Variants in STAG2 observed in about 807,000 individuals in gnomAD.
STAG2 encodes cohesin subunit SA-2.
STAG2 carries 14 observed loss-of-function variants against 108.1 expected under a neutral mutation model. That is an observed-to-expected ratio of 0.13 (90% confidence interval 0.09 to 0.20). STAG2 has a LOEUF of 0.20. Ranked by LOEUF, STAG2 falls within the 10% of genes least tolerant of loss-of-function variation. The probability of loss-of-function intolerance (pLI) is 1.00; values close to 1 mark genes in which losing one functional copy is unlikely to be tolerated. For missense variants in STAG2, 440 were observed against 940.9 expected (o/e 0.47, Z 6.96); for synonymous variants, 307 against 302.7 (o/e 1.01, Z -0.15).
intron 27 of STAG2, among the ~76,000 whole-genome samples, chrX:124,080,865 G>T (rs1167888799): frequency 1.8e-5 from 2 of 111,628 alleles, no homozygotes; most frequent in Non-Finnish European, 3.8e-5. Context: ...TTACGCTGAG[G>T]TTTTTTTACA....
In STAG2 at chrX:124,051,111, T is replaced by G. The variant is rs1569512956; in HGVS notation, c.1018-10T>G. 1.1e-6 allele frequency: 1 copy of G among 892,916 alleles called. No homozygotes were observed. Among genetic ancestry groups the G allele is most frequent in the African/African-American group, 2.1e-5 (1 of 48,566 alleles). 73.6% of individuals were successfully genotyped at this position (892,916 alleles called of 1,213,427 possible). On this transcript the variant is annotated splice_polypyrimidine_tract_variant and intron_variant, in intron 11 of 34. Coordinates refer to ENST00000371145, the MANE Select transcript of STAG2 (RefSeq NM_001042750.2). ...TGCATTGTCTCATCTTTTTTTTTTT[T>G]TTTTTTTAGCAAGGTGAAGTAAGAC... is the stretch of plus-strand genomic sequence containing the variant.
intron 1 of STAG2, among the ~76,000 whole-genome samples, chrX:123,995,704 A>G (rs915901609): frequency 9.0e-6 from 1 of 111,630 alleles, no homozygotes; most frequent in Admixed American, 9.6e-5. Flanking sequence ...AGAAAAAAAA[A>G]AGAAATCATT....
At chrX:123,974,577 CTTT>C (rs778065126) in intron 1 of STAG2, among the ~76,000 whole-genome samples, 1 of 85,226 alleles carries the variant, frequency 1.2e-5, no homozygotes. Context: ...TTGATACCTT[CTTT>C]TTTTTTTTTT....
At chrX:124,079,148 T>C (rs2058882122) in intron 27 of STAG2, among the ~76,000 whole-genome samples, 1 of 107,256 alleles carries the variant, frequency 9.3e-6, no homozygotes, top group African/African-American at 3.4e-5. Flanking sequence ...TTTTTTTTCC[T>C]TTTCTTTTGA....
intron 2 of STAG2, among the ~76,000 whole-genome samples, chrX:124,022,290 G>C (rs1216308018): frequency 6.4e-5 from 7 of 109,080 alleles, no homozygotes; most frequent in African/African-American, 2.3e-4. Flanking sequence ...AGAATCGCTT[G>C]AACCTGGGAG....
At chrX:124,041,001 C>T (rs1285322581) in intron 6 of STAG2, among the ~76,000 whole-genome samples, 1 of 106,833 alleles carries the variant, frequency 9.4e-6, no homozygotes, top group African/African-American at 3.4e-5. Context: ...GCTGCGATTA[C>T]AGGCATGCCC....
At chrX:124,077,860 A>C (rs1416871588) in intron 26 of STAG2, 97 bp from the exon 27 acceptor site, 12 of 487,962 alleles carry the variant, frequency 2.5e-5, no homozygotes, top group Admixed American at 9.5e-5. Flanking sequence ...GGCTAAATAC[A>C]TACTTTGTGA....
intron 1 of STAG2, among the ~76,000 whole-genome samples, chrX:123,971,898 C>T (rs1569488015): frequency 8.9e-6 from 1 of 111,918 alleles, no homozygotes; most frequent in Non-Finnish European, 1.9e-5. Flanking sequence ...TGAAGGTAAA[C>T]TGATTCTGTA....
At chrX:124,048,829 TTATC>T (rs2057953005) in intron 9 of STAG2, among the ~76,000 whole-genome samples, 172 bp from the exon 10 acceptor site, 1 of 111,846 alleles carries the variant, frequency 8.9e-6, no homozygotes, top group Non-Finnish European at 1.9e-5. Context: ...TTAAGGGACT[TTATC>T]TACCTGGTAA....
intron 5 of STAG2, among the ~76,000 whole-genome samples, chrX:124,033,661 C>T (rs1307872597): frequency 9.0e-6 from 1 of 111,240 alleles, no homozygotes; most frequent in Non-Finnish European, 1.9e-5. Context: ...ACTCAGGAGG[C>T]TTAGGCAGGA....
chrX:124,066,143 AT>A lies in STAG2; in HGVS notation c.2097-5del, dbSNP rs748906058. The A allele has an allele frequency of 0.098, 53,964 of 549,174 alleles. 561 individuals carry two copies. Among genetic ancestry groups the A allele is most frequent in the Middle Eastern group, 0.12 (171 of 1,429 alleles). The allele number at this position is 549,174 out of a possible 1,213,427, so 45.3% of individuals were successfully genotyped here. A position where few individuals can be genotyped will look rare whatever the true frequency, so the allele number is the denominator to read the frequency against. ...AGGCTTAGCTTTTTAATAAAACTTA[AT>A]TTTTTTTTTTTTTTTTTTTTTTTTT... On this transcript the variant is annotated intron_variant, in intron 21 of 34. Transcript: ENST00000371145.
At chrX:123,962,619 T>C (rs965321199) in intron 1 of STAG2, among the ~76,000 whole-genome samples, 6 of 111,434 alleles carry the variant, frequency 5.4e-5, no homozygotes, top group Admixed American at 9.6e-5. Flanking sequence ...TCTCCCTCCT[T>C]CTTTCTCTTG....
intron 5 of STAG2, among the ~76,000 whole-genome samples, chrX:124,033,246 C>G (rs1273767083): frequency 1.8e-5 from 2 of 111,961 alleles, no homozygotes; most frequent in African/African-American, 3.2e-5. Context: ...TAGTCATTCC[C>G]CAATTTTAAA....
chrX:124,083,603 C>T, intron 29 of STAG2, 54 bp downstream of exon 29: 1 of 989,025 alleles, frequency 1.0e-6, no homozygotes, highest in Non-Finnish European at 1.3e-6. Flanking sequence ...TTCTTAAGGG[C>T]AATTTTTATA....
intron 1 of STAG2, among the ~76,000 whole-genome samples, chrX:123,991,416 GATCT>G (rs1230308011): frequency 1.8e-5 from 2 of 110,261 alleles, no homozygotes; most frequent in Non-Finnish European, 3.8e-5. Context: ...GCAATGGCAT[GATCT>G]CAGCTCACTG....
At chrX:123,998,485 G>GTTT (rs767817877) in intron 1 of STAG2, among the ~76,000 whole-genome samples, 6 of 92,666 alleles carry the variant, frequency 6.5e-5, no homozygotes, top group South Asian at 4.9e-4. Context: ...GTGTGTATGT[G>GTTT]TTTTTTTTTT....
At chrX:124,088,836 A>C (rs2148478755) in intron 30 of STAG2, among the ~76,000 whole-genome samples, 1 of 105,420 alleles carries the variant, frequency 9.5e-6, no homozygotes, top group African/African-American at 3.5e-5. Flanking sequence ...CTGGTCTCGA[A>C]CTCCCAACCT....
chrX:124,095,506 T>C (rs942815853), intron 34 of STAG2, 57 bp downstream of exon 34: 4 of 981,226 alleles, frequency 4.1e-6, no homozygotes, highest in Non-Finnish European at 4.4e-6. Context: ...AGGCAGTCTC[T>C]CAGTTTGAGG....
At chrX:124,035,288 T>C (rs2057483097) in intron 5 of STAG2, among the ~76,000 whole-genome samples, 1 of 112,036 alleles carries the variant, frequency 8.9e-6, no homozygotes, top group Admixed American at 9.5e-5. Context: ...TGATTAAAAA[T>C]TTTAAGCATA....
Sources: gnomAD v4.1 joint callset for allele counts (sites outside exome capture counted in the v4.1 genomes callset) on GRCh38, gnomAD v4.1.1 for gene constraint, MANE v1.5 for transcripts, NCBI Gene and HGNC (gene_info 2026-07-23, HGNC 2026-07-21) for gene names.